DEPTOR: variants seen among roughly 807,000 people sequenced by gnomAD.
The protein encoded by DEPTOR is DEP domain containing MTOR interacting protein.
Under a neutral mutation model 41.6 loss-of-function variants are expected in DEPTOR, and 41 were observed. The observed-to-expected ratio is 0.98, with a 90% CI of 0.77 to 1.28. The LOEUF (loss-of-function observed/expected upper bound fraction) is 1.28. DEPTOR is among the 50% of genes most tolerant of loss of function. The pLI, the probability that DEPTOR is intolerant of heterozygous loss-of-function variation, is 0.00. For missense variants in DEPTOR, 514 were observed against 527.9 expected (o/e 0.97, Z 0.26); for synonymous variants, 195 against 192.3 (o/e 1.01, Z -0.12).
rs531301592 is a variant in DEPTOR at position 119,962,129 on chromosome 8, T to G, written c.426-3103T>G. On this transcript the variant is annotated intron_variant, in intron 3 of 8. Coordinates refer to ENST00000286234, the MANE Select transcript of DEPTOR (RefSeq NM_022783.4). ...AAAAGTAGCTGGACATGGTGGTGCA[T>G]GCCTGTAGTTCCAGCTACTTGGGAG... Among the ~76,000 whole-genome samples the G allele has an allele frequency of 2.7e-5, 4 of 148,842 alleles. No homozygotes were observed. In the East Asian group the frequency reaches 7.9e-4, roughly 29 times the overall value.
chr8:120,009,394 C>T (rs1172075874), intron 8 of DEPTOR, among the ~76,000 whole-genome samples: 1 of 152,148 alleles, frequency 6.6e-6, no homozygotes, highest in Non-Finnish European at 1.5e-5. Flanking sequence ...AGACATATCA[C>T]TTGAGGTCAG....
At chr8:120,007,470 G>A (rs950443056) in intron 7 of DEPTOR, among the ~76,000 whole-genome samples, 4 of 152,184 alleles carry the variant, frequency 2.6e-5, no homozygotes, top group African/African-American at 9.6e-5. Flanking sequence ...GCCCCTTCTT[G>A]GAGGTCCTTT....
intron 4 of DEPTOR, among the ~76,000 whole-genome samples, chr8:119,975,487 C>G (rs1038687097): frequency 6.6e-6 from 1 of 152,110 alleles, no homozygotes; most frequent in South Asian, 2.1e-4. Flanking sequence ...TCAAGGAGCA[C>G]AGTGCGGAGT....
Position 119,895,741 on chromosome 8 carries a change from G to T in DEPTOR, c.122+21773G>T, listed in dbSNP as rs528965277. On this transcript the variant is annotated intron_variant, in intron 1 of 8. Coordinates refer to ENST00000286234, the MANE Select transcript of DEPTOR (RefSeq NM_022783.4). Reference sequence around the variant, plus strand: ...AATTCCTTGGGTCCCTCCTCAGCTGGCATGTCTGCACACTTTCCAAGGTGA... The same window carrying T: ...AATTCCTTGGGTCCCTCCTCAGCTGTCATGTCTGCACACTTTCCAAGGTGA... Among the ~76,000 whole-genome samples, 15 of 152,212 alleles carry T rather than the reference G, an allele frequency of 9.9e-5. No individual in the cohort carries two copies. The South Asian group carries it at 2.7e-3, about 27-fold the overall frequency.
chr8:120,007,508 T>C (rs979992723), intron 7 of DEPTOR, among the ~76,000 whole-genome samples: 3 of 152,134 alleles, frequency 2.0e-5, no homozygotes, highest in Non-Finnish European at 2.9e-5. Context: ...GTTGGATTTC[T>C]TCAAATGGAA....
At chr8:120,036,088 C>T (rs971603918) in intron 8 of DEPTOR, among the ~76,000 whole-genome samples, 2 of 152,140 alleles carry the variant, frequency 1.3e-5, no homozygotes, top group East Asian at 3.9e-4. Context: ...CCATAACTAC[C>T]CCTCTTTTAT....
At chr8:119,925,869 C>T (rs1424221569) in intron 1 of DEPTOR, among the ~76,000 whole-genome samples, 2 of 152,226 alleles carry the variant, frequency 1.3e-5, no homozygotes, top group Non-Finnish European at 2.9e-5. Context: ...AAGTGATCCA[C>T]CTGCCTTGGC....
intron 8 of DEPTOR, among the ~76,000 whole-genome samples, chr8:120,027,262 G>C (rs1234714600): frequency 3.4e-5 from 2 of 58,518 alleles, no homozygotes; most frequent in African/African-American, 1.2e-4. Context: ...TAATAATAAT[G>C]CCTTTCTTTT....
At chr8:120,000,523 T>TCTGCCCA (rs1812330907) in intron 4 of DEPTOR, among the ~76,000 whole-genome samples, 1 of 152,004 alleles carries the variant, frequency 6.6e-6, no homozygotes, top group Admixed American at 6.6e-5. Context: ...AGTGCAGTGG[T>TCTGCCCA]GCAATCTCAG....
At chr8:119,877,416 G>A (rs1017065542) in intron 1 of DEPTOR, among the ~76,000 whole-genome samples, 1 of 152,106 alleles carries the variant, frequency 6.6e-6, no homozygotes, top group African/African-American at 2.4e-5. Flanking sequence ...GTTATTGGAG[G>A]GTTGGAAGTT....
chr8:120,037,568 C>T (rs1480461190), intron 8 of DEPTOR, among the ~76,000 whole-genome samples: 1 of 152,114 alleles, frequency 6.6e-6, no homozygotes, highest in Non-Finnish European at 1.5e-5. Context: ...ACTTAATATT[C>T]ATGTGTTATC....
At chr8:119,880,009 G>A (rs1827278471) in intron 1 of DEPTOR, among the ~76,000 whole-genome samples, 1 of 151,920 alleles carries the variant, frequency 6.6e-6, no homozygotes, top group Non-Finnish European at 1.5e-5. Flanking sequence ...GGGCACGGTG[G>A]CAGGCACCTA....
intron 1 of DEPTOR, among the ~76,000 whole-genome samples, chr8:119,878,322 CTTT>C (rs34074804): frequency 7.1e-5 from 10 of 141,738 alleles, no homozygotes; most frequent in Admixed American, 1.4e-4. Flanking sequence ...AATCCTGACA[CTTT>C]TTTTTTTTTT....
chr8:119,904,411 G>A (rs9721042), intron 1 of DEPTOR, among the ~76,000 whole-genome samples: 75,611 of 151,814 alleles, frequency 0.5, 20,547 homozygotes, highest in East Asian at 0.92. Flanking sequence ...GAGCCACTGC[G>A]CCCGGCGTAA....
At chr8:119,893,234 T>C (rs1827473688) in intron 1 of DEPTOR, among the ~76,000 whole-genome samples, 1 of 152,238 alleles carries the variant, frequency 6.6e-6, no homozygotes, top group Non-Finnish European at 1.5e-5. Flanking sequence ...TTTATATGCT[T>C]AATTAACCAG....
At chr8:120,035,722 G>A (rs186045415) in intron 8 of DEPTOR, among the ~76,000 whole-genome samples, 6 of 152,184 alleles carry the variant, frequency 3.9e-5, no homozygotes, top group African/African-American at 9.6e-5. Context: ...AGTAGAGATG[G>A]GGTTTCGCCA....
intron 8 of DEPTOR, among the ~76,000 whole-genome samples, chr8:120,046,324 G>T (rs903872426): frequency 6.6e-6 from 1 of 151,552 alleles, no homozygotes; most frequent in Non-Finnish European, 1.5e-5. Context: ...AAGAAACCCC[G>T]TACCCATTAC....
At chr8:119,998,475 T>C (rs936084655) in intron 4 of DEPTOR, among the ~76,000 whole-genome samples, 1 of 152,140 alleles carries the variant, frequency 6.6e-6, no homozygotes, top group African/African-American at 2.4e-5. Context: ...GTGTCTTCTG[T>C]TTTTGTGTCA....
At chr8:119,894,812 A>C (rs1827495604) in intron 1 of DEPTOR, among the ~76,000 whole-genome samples, 1 of 152,228 alleles carries the variant, frequency 6.6e-6, no homozygotes, top group South Asian at 2.1e-4. Flanking sequence ...AGTTCGGTAT[A>C]GTATGTAACA....
Sources: gnomAD v4.1 joint callset for allele counts (sites outside exome capture counted in the v4.1 genomes callset) on GRCh38, gnomAD v4.1.1 for gene constraint, MANE v1.5 for transcripts, NCBI Gene and HGNC (gene_info 2026-07-23, HGNC 2026-07-21) for gene names.